The following FILIP1L variants were observed in gnomAD, a reference collection of about 807,000 sequenced individuals.
FILIP1L encodes filamin A interacting protein 1 like, also known as filamin A-interacting protein 1-like.
Under a neutral mutation model 96.6 loss-of-function variants are expected in FILIP1L, and 55 were observed. That is an observed-to-expected ratio of 0.57 (90% CI 0.46 to 0.71). FILIP1L has a LOEUF of 0.71. Among genes scored for constraint, FILIP1L ranks in the 30% least tolerant of loss-of-function variants. The probability of loss-of-function intolerance (pLI) is 0.00; values close to 1 mark genes in which losing one functional copy is unlikely to be tolerated. For missense variants in FILIP1L, 1,304 were observed against 1,321.2 expected (o/e 0.99, Z 0.20); for synonymous variants, 467 against 473.9 (o/e 0.99, Z 0.19).
At chr3:99,837,307 T>C (rs1942940309) in intron 5 of FILIP1L, among the ~76,000 whole-genome samples, 1 of 152,176 alleles carries the variant, frequency 6.6e-6, no homozygotes, top group Non-Finnish European at 1.5e-5. Flanking sequence ...AGTTAGCTCC[T>C]GTTTATATAA....
intron 4 of FILIP1L, among the ~76,000 whole-genome samples, chr3:99,912,253 C>T (rs1028642804): frequency 1.3e-5 from 2 of 152,170 alleles, no homozygotes; most frequent in Non-Finnish European, 2.9e-5. Flanking sequence ...CAAATAGCTA[C>T]ATCTTGTATG....
At chr3:99,836,565 T>C (rs765344630) in intron 5 of FILIP1L, among the ~76,000 whole-genome samples, 4 of 152,160 alleles carry the variant, frequency 2.6e-5, no homozygotes, top group Non-Finnish European at 5.9e-5. Context: ...GCCGCTCTTT[T>C]CTTCTCCCAC....
At chr3:99,929,513 A>AGTGTGTGTGTGT (rs10629410) in intron 3 of FILIP1L, among the ~76,000 whole-genome samples, 3 of 148,170 alleles carry the variant, frequency 2.0e-5, no homozygotes, top group African/African-American at 5.0e-5. Context: ...AAGTTCCCAG[A>AGTGTGTGTGTGT]GTGTGTGTGT....
At chr3:99,933,456 T>A (rs1010848284) in intron 1 of FILIP1L, among the ~76,000 whole-genome samples, 1 of 152,218 alleles carries the variant, frequency 6.6e-6, no homozygotes, top group Admixed American at 6.5e-5. Flanking sequence ...TGTGTGTATA[T>A]CTATTTATTT....
intron 4 of FILIP1L, among the ~76,000 whole-genome samples, chr3:99,883,027 A>G (rs978559136): frequency 1.4e-5 from 2 of 138,922 alleles, no homozygotes; most frequent in African/African-American, 2.5e-5. Flanking sequence ...TCTGTACATG[A>G]GAAATTCTAT....
At chr3:100,104,884 T>C (rs901037547) in intron 1 of FILIP1L, among the ~76,000 whole-genome samples, 5 of 152,186 alleles carry the variant, frequency 3.3e-5, no homozygotes, top group Non-Finnish European at 1.5e-5. Context: ...CATCCTTGTT[T>C]CTTCACTTCC....
chr3:99,840,221 C>CTTTT (rs10935982), intron 5 of FILIP1L, among the ~76,000 whole-genome samples: 51 of 102,112 alleles, frequency 5.0e-4, no homozygotes, highest in South Asian at 7.3e-4. Flanking sequence ...TTCGTAGAAT[C>CTTTT]TTTTTTTTTT....
chr3:99,894,570 C>G (rs555792802), intron 4 of FILIP1L, among the ~76,000 whole-genome samples: 71 of 152,220 alleles, frequency 4.7e-4, no homozygotes, highest in Non-Finnish European at 8.8e-4. Flanking sequence ...GATCTTAGGG[C>G]AATTTGCTTT....
At chr3:99,838,758 T>C (rs937898357) in intron 5 of FILIP1L, among the ~76,000 whole-genome samples, 2 of 152,232 alleles carry the variant, frequency 1.3e-5, no homozygotes, top group Non-Finnish European at 2.9e-5. Context: ...TGTCAGAGTT[T>C]TAATCTACTT....
chr3:99,962,308 G>C (rs757980609), intron 1 of FILIP1L, among the ~76,000 whole-genome samples: 2 of 152,148 alleles, frequency 1.3e-5, no homozygotes, highest in East Asian at 3.9e-4. Flanking sequence ...GCATGTGATG[G>C]GAGAGTGGAA....
At chr3:99,900,360 C>A (rs991156670) in intron 4 of FILIP1L, among the ~76,000 whole-genome samples, 1 of 152,038 alleles carries the variant, frequency 6.6e-6, no homozygotes, top group African/African-American at 2.4e-5. Context: ...CTATTTTTAA[C>A]CCTTTATATT....
chr3:99,942,293 C>T (rs774367704), intron 1 of FILIP1L, among the ~76,000 whole-genome samples: 2 of 151,728 alleles, frequency 1.3e-5, no homozygotes, highest in Non-Finnish European at 2.9e-5. Context: ...TTTCCAGATG[C>T]ATAATGAGGT....
At chr3:99,985,823 A>G (rs1437150597) in intron 1 of FILIP1L, among the ~76,000 whole-genome samples, 1 of 152,148 alleles carries the variant, frequency 6.6e-6, no homozygotes, top group Non-Finnish European at 1.5e-5. Context: ...TCCTGACCTC[A>G]GGTGATCCAC....
At chr3:99,980,481 C>A (rs1709090402) in intron 1 of FILIP1L, among the ~76,000 whole-genome samples, 1 of 152,106 alleles carries the variant, frequency 6.6e-6, no homozygotes, top group South Asian at 2.1e-4. Flanking sequence ...CCACAGAAAC[C>A]ATCTGGTAGT....
chr3:99,856,768 A>G (rs1943985679), intron 4 of FILIP1L, among the ~76,000 whole-genome samples: 1 of 152,108 alleles, frequency 6.6e-6, no homozygotes, highest in Non-Finnish European at 1.5e-5. Flanking sequence ...TTCAGTTTTT[A>G]TTTGCAGACA....
At chr3:99,877,564 G>A (rs1705575881) in intron 4 of FILIP1L, among the ~76,000 whole-genome samples, 2 of 152,168 alleles carry the variant, frequency 1.3e-5, no homozygotes, top group Non-Finnish European at 2.9e-5. Context: ...ACTAAGAGAT[G>A]TGAATTACAC....
chr3:100,036,367 A>G (rs1278094970), intron 1 of FILIP1L, among the ~76,000 whole-genome samples: 4 of 152,210 alleles, frequency 2.6e-5, no homozygotes, highest in Non-Finnish European at 1.5e-5. Flanking sequence ...GGAAGTCTCA[A>G]AAAATGATGA....
At position 99,851,108 on chromosome 3, in the gene FILIP1L, G is replaced by A. The variant is rs9870153; in HGVS notation, c.606-38C>T. 1,638 of 1,492,454 alleles carry A rather than the reference G, an allele frequency of 1.1e-3. 14 individuals are homozygous for A. In the African/African-American group the frequency reaches 0.02, roughly 19 times the overall value. The allele number at this position is 1,492,454 out of a possible 1,614,324, so 92.5% of individuals were successfully genotyped here. On this transcript the variant is annotated intron_variant, in intron 4 of 5. Transcript: ENST00000477258. ...AAGTGCATTTTATTTTGTGATTGAT[G>A]CTTTAGTAACTCATCGAATGTACTT...
intron 1 of FILIP1L, among the ~76,000 whole-genome samples, chr3:100,083,383 G>T (rs1559751763): frequency 6.6e-6 from 1 of 152,226 alleles, no homozygotes; most frequent in African/African-American, 2.4e-5. Flanking sequence ...GAACTTGCAA[G>T]ACATGAAACT....
Sources: gnomAD v4.1 joint callset for allele counts (sites outside exome capture counted in the v4.1 genomes callset) on GRCh38, gnomAD v4.1.1 for gene constraint, MANE v1.5 for transcripts, NCBI Gene and HGNC (gene_info 2026-07-23, HGNC 2026-07-21) for gene names.